The following GALNT18 variants were observed in gnomAD, a reference collection of about 807,000 sequenced individuals.
GALNT18 encodes the protein GalNAc-transferase 18.
GALNT18 carries 44 observed loss-of-function variants against 69.5 expected under a neutral mutation model. That is an observed-to-expected ratio of 0.63 (90% confidence interval 0.50 to 0.81). GALNT18 has a LOEUF of 0.81. GALNT18 is among the 40% of genes least tolerant of loss of function. The probability of loss-of-function intolerance (pLI) is 0.00; values close to 1 mark genes in which losing one functional copy is unlikely to be tolerated. For missense variants in GALNT18, 715 were observed against 810.0 expected, an observed-to-expected ratio of 0.88 and a Z score of 1.42; for synonymous variants, 364 against 318.2, an observed-to-expected ratio of 1.14 and a Z score of -1.53.
At chr11:11,346,670 G>A (rs1401683640) in intron 6 of GALNT18, among the ~76,000 whole-genome samples, 1 of 152,170 alleles carries the variant, frequency 6.6e-6, no homozygotes, top group Non-Finnish European at 1.5e-5. Context: ...TATGCCTACA[G>A]AGGAGCTGCT....
chr11:11,325,940 G>A (rs778679700), intron 9 of GALNT18, among the ~76,000 whole-genome samples: 30 of 151,800 alleles, frequency 2.0e-4, no homozygotes, highest in Non-Finnish European at 1.5e-4. Context: ...TGACATACAC[G>A]TCATGATGTC....
chr11:11,593,177 CGTTTTAA>C (rs1341421877), intron 1 of GALNT18, among the ~76,000 whole-genome samples: 1 of 152,138 alleles, frequency 6.6e-6, no homozygotes, highest in South Asian at 2.1e-4. Context: ...CCTCCCGCTT[CGTTTTAA>C]GTCTGTCCAA....
chr11:11,329,357 T>C (rs187192280), intron 8 of GALNT18, among the ~76,000 whole-genome samples: 1 of 152,310 alleles, frequency 6.6e-6, no homozygotes, highest in Admixed American at 6.5e-5. Flanking sequence ...CTAATTCTCA[T>C]AATGACTAGC....
intron 3 of GALNT18, among the ~76,000 whole-genome samples, chr11:11,429,242 C>T (rs139289910): frequency 3.0e-4 from 45 of 152,304 alleles, no homozygotes; most frequent in African/African-American, 9.9e-4. Context: ...CTGAAATTCT[C>T]TCTGCCCACG....
chr11:11,379,344 G>T, intron 3 of GALNT18, 80 bp from the exon 4 acceptor site: 1 of 1,374,406 alleles, frequency 7.3e-7, no homozygotes. Context: ...CACTCTTTTA[G>T]TGATGACCCC....
At position 11,600,410 on chromosome 11, in the gene GALNT18, G is replaced by T. The variant is rs557408488; in HGVS notation, c.235+20949C>A. Among the ~76,000 whole-genome samples, 3 of 151,996 alleles carry T rather than the reference G, an allele frequency of 2.0e-5. No homozygotes were observed. Among genetic ancestry groups the T allele is most frequent in the Admixed American group, 2.0e-4 (3 of 15,278 alleles). ...AACTATTCTTTTGAAGAATAGTTTT[G>T]CTGTGTAATGATTCTTGGTTAACTT... On this transcript the variant is annotated intron_variant, in intron 1 of 10. Transcript: ENST00000227756. The surrounding 1 kb of genome is among the most constrained non-coding windows in gnomAD (Gnocchi z 4.8).
Position 11,603,990 on chromosome 11 carries a change from A to G in GALNT18, c.235+17369T>C, listed in dbSNP as rs1393229900. Among the ~76,000 whole-genome samples the G allele has an allele frequency of 6.6e-6, 1 of 152,192 alleles. No individual in the cohort carries two copies. Among genetic ancestry groups the G allele is most frequent in the Non-Finnish European group, 1.5e-5 (1 of 68,030 alleles). On this transcript the variant is annotated intron_variant, in intron 1 of 10. Transcript: ENST00000227756. This position sits in a 1 kb window ranked among gnomAD's most constrained non-coding sequence, Gnocchi z 4.5. ...AGGGTGGACCCTCATGAATGGGATT[A>G]CTGTTCTTATGAAAGGAACCTCAGA...
rs570912022 is a variant in GALNT18, at chr11:11,427,400, A to G, written c.595+5221T>C. Among the ~76,000 whole-genome samples, 24 of 152,300 alleles carry G rather than the reference A, an allele frequency of 1.6e-4. No individual in the cohort carries two copies. In the South Asian group the frequency reaches 5.0e-3, roughly 32 times the overall value. On this transcript the variant is annotated intron_variant, in intron 3 of 10. Transcript: ENST00000227756. ...TGACCCAAAGCAAAGGTGTGGCCAA[A>G]GAGAGCTTGGGGAGACACGAGGCGC... is the stretch of plus-strand genomic sequence containing the variant.
chr11:11,371,131 G>T (rs1403940417), intron 6 of GALNT18, among the ~76,000 whole-genome samples: 4 of 152,186 alleles, frequency 2.6e-5, no homozygotes, highest in Non-Finnish European at 5.9e-5. Flanking sequence ...TGTTTTCTAA[G>T]CTCGGCTTCA....
In GALNT18 at chr11:11,326,048, T is replaced by G. The variant is rs547424383; in HGVS notation, c.1512+1038A>C. 5.4e-5 allele frequency among the ~76,000 whole-genome samples: 8 copies of G among 149,048 alleles called. No homozygotes were observed. In the South Asian group the frequency reaches 1.3e-3, roughly 25 times the overall value. The stretch of plus-strand genomic sequence containing the variant: ...ATCTTACATGCTAAATATCTTTTTT[T>G]TTTTTTTTTTTTTTGAGACGGAATC... On this transcript the variant is annotated intron_variant, in intron 9 of 10. Transcript: ENST00000227756.
In GALNT18 at chr11:11,497,668, C is replaced by A. The variant is rs1486749515; in HGVS notation, c.236-48732G>T. Among the ~76,000 whole-genome samples, 6 of 151,794 alleles carry A rather than the reference C, an allele frequency of 4.0e-5. No individual in the cohort carries two copies. Among genetic ancestry groups the A allele is most frequent in the African/African-American group, 9.7e-5 (4 of 41,286 alleles). ...CTCTCTTATCTAACATGGTCAGGAG[C>A]AGCTAATAGGGTAAGCAAAAAGTTT... On this transcript the variant is annotated intron_variant, in intron 1 of 10. Coordinates refer to ENST00000227756, the MANE Select transcript of GALNT18 (RefSeq NM_198516.3). This position sits in a 1 kb window ranked among gnomAD's most constrained non-coding sequence, Gnocchi z 4.2.
At chr11:11,447,803 C>T (rs1855693341) in intron 2 of GALNT18, among the ~76,000 whole-genome samples, 1 of 152,184 alleles carries the variant, frequency 6.6e-6, no homozygotes, top group South Asian at 2.1e-4. Context: ...GTCCCTCCCA[C>T]AATATGTGGG....
chr11:11,427,682 T>C (rs570933345), intron 3 of GALNT18, among the ~76,000 whole-genome samples: 110 of 152,328 alleles, frequency 7.2e-4, no homozygotes, highest in African/African-American at 2.5e-3. Flanking sequence ...ATGGAAAAGC[T>C]GGCCGAATGC....
chr11:11,304,114 A>G (rs987614063), intron 9 of GALNT18, among the ~76,000 whole-genome samples: 2 of 152,206 alleles, frequency 1.3e-5, no homozygotes, highest in African/African-American at 4.8e-5. Context: ...ACACAGACAA[A>G]GTAGCCCTGA....
chr11:11,276,845 A>G (rs1848960788), intron 10 of GALNT18, among the ~76,000 whole-genome samples: 1 of 152,206 alleles, frequency 6.6e-6, no homozygotes, highest in African/African-American at 2.4e-5. Context: ...CCAGCCTCGC[A>G]GCCCAGGGAT....
At position 11,573,038 on chromosome 11, in the gene GALNT18, A is replaced by G. The variant is rs1176103863; in HGVS notation, c.235+48321T>C. Among the ~76,000 whole-genome samples, 4 of 152,078 alleles carry G rather than the reference A, an allele frequency of 2.6e-5. No homozygotes were observed. The highest frequency in any genetic ancestry group is 4.4e-5 in the Non-Finnish European group (3 of 68,016). ...ATGAAGGAGGACGTTATCTTAGCCC[A>G]TTTTACAGATGAGAAACCTGGGTCT... is the stretch of plus-strand genomic sequence containing the variant. On this transcript the variant is annotated intron_variant, in intron 1 of 10. Coordinates refer to ENST00000227756, the MANE Select transcript of GALNT18 (RefSeq NM_198516.3). This position sits in a 1 kb window ranked among gnomAD's most constrained non-coding sequence, Gnocchi z 4.6.
rs12274390 is a variant in GALNT18, at chr11:11,337,369, C to A, written c.1278+3450G>T. ...AATAAAGCAGTCTGTCCTCAGAGAG[C>A]CCATGGTGTATTGTGGTGGTTCTCA... On this transcript the variant is annotated intron_variant, in intron 7 of 10. Transcript: ENST00000227756. The surrounding 1 kb of genome is among the most constrained non-coding windows in gnomAD (Gnocchi z 4.9). 1.8e-4 allele frequency among the ~76,000 whole-genome samples: 28 copies of A among 152,184 alleles called. No homozygotes were observed. Among genetic ancestry groups the A allele is most frequent in the African/African-American group, 5.8e-4 (24 of 41,544 alleles).
chr11:11,371,969 G>T (rs534637350), intron 6 of GALNT18, among the ~76,000 whole-genome samples: 31 of 152,332 alleles, frequency 2.0e-4, no homozygotes, highest in African/African-American at 7.5e-4. Flanking sequence ...CGTGAGGCAG[G>T]AATGGGCTGT....
intron 1 of GALNT18, among the ~76,000 whole-genome samples, chr11:11,585,706 A>T (rs1859201172): frequency 6.6e-6 from 1 of 152,176 alleles, no homozygotes; most frequent in Admixed American, 6.5e-5. Context: ...AACAGGCTGA[A>T]TGCAGAAGTA....
Sources: allele counts gnomAD v4.1 joint callset (sites outside exome capture counted in the v4.1 genomes callset), GRCh38; gene constraint gnomAD v4.1.1; non-coding constraint Gnocchi (gnomAD v3.1); transcripts MANE v1.5; gene names NCBI Gene and HGNC (gene_info 2026-07-23, HGNC 2026-07-21).